Variants in C3orf70 observed in about 807,000 individuals in gnomAD.
C3orf70 encodes UPF0524 protein C3orf70.
A neutral mutation model predicts 20.7 loss-of-function variants in C3orf70; 15 were observed. The observed-to-expected ratio is 0.72, with a 90% confidence interval of 0.48 to 1.11. The LOEUF (loss-of-function observed/expected upper bound fraction) is 1.11, where lower values mean the gene tolerates loss of function less well. Ranked by LOEUF, C3orf70 falls within the 50% of genes most tolerant of loss-of-function variation. The probability of loss-of-function intolerance (pLI) is 0.00; values close to 1 mark genes in which losing one functional copy is unlikely to be tolerated. For synonymous variants in C3orf70, 161 were observed against 125.7 expected (o/e 1.28, Z -1.88); for missense variants, 332 against 317.6 (o/e 1.05, Z -0.34).
At position 185,119,458 on chromosome 3, in the gene C3orf70, C is replaced by T. The variant is rs149748954; in HGVS notation, c.196+33170G>A. Among the ~76,000 whole-genome samples, 1,443 of 152,024 alleles carry T rather than the reference C, an allele frequency of 9.5e-3. 24 individuals are homozygous for T. Among genetic ancestry groups the T allele is most frequent in the African/African-American group, 0.033 (1,348 of 41,456 alleles). ...ACGAAGTCAGGAGATCAAGACCATCCTGGCCAACATGGTGAAACCCCGTCT... is the reference window on the plus strand; with the variant it reads ...ACGAAGTCAGGAGATCAAGACCATCTTGGCCAACATGGTGAAACCCCGTCT... On this transcript the variant is annotated intron_variant, in intron 1 of 1. Coordinates refer to ENST00000335012, the MANE Select transcript of C3orf70 (RefSeq NM_001025266.3).
intron 1 of C3orf70, among the ~76,000 whole-genome samples, chr3:185,135,105 A>T (rs1716596034): frequency 6.6e-6 from 1 of 152,256 alleles, no homozygotes; most frequent in African/African-American, 2.4e-5. Context: ...TTTAATTGAA[A>T]ATCATTTGTC....
chr3:185,128,822 T>C (rs1185356245), intron 1 of C3orf70, among the ~76,000 whole-genome samples: 3 of 152,166 alleles, frequency 2.0e-5, no homozygotes, highest in Non-Finnish European at 4.4e-5. Context: ...TTCGCATAAT[T>C]TGAAAAACTA....
At chr3:185,134,116 C>CTCATATATATATATATATATATATATAT (rs71298571) in intron 1 of C3orf70, among the ~76,000 whole-genome samples, 13 of 134,762 alleles carry the variant, frequency 9.6e-5, no homozygotes, top group East Asian at 2.0e-4. Flanking sequence ...AAAAATACAT[C>CTCATATATATATATATATATATATATAT]ATATATATAT....
chr3:185,142,899 CCAAA>C (rs770368406), intron 1 of C3orf70, among the ~76,000 whole-genome samples: 7 of 151,952 alleles, frequency 4.6e-5, no homozygotes, highest in Non-Finnish European at 1.0e-4. Flanking sequence ...AGGACATTCT[CCAAA>C]CAGTTAACTT....
chr3:185,118,335 C>T (rs1413156978), intron 1 of C3orf70, among the ~76,000 whole-genome samples: 1 of 152,188 alleles, frequency 6.6e-6, no homozygotes, highest in Non-Finnish European at 1.5e-5. Context: ...CTTAGATACT[C>T]TGCTTCTGTG....
At chr3:185,117,233 G>GT (rs1167053235) in intron 1 of C3orf70, among the ~76,000 whole-genome samples, 3 of 151,762 alleles carry the variant, frequency 2.0e-5, no homozygotes, top group Non-Finnish European at 4.4e-5. Context: ...TTTCCCAATT[G>GT]TTTTTTTTCT....
At chr3:185,123,740 ATAT>A (rs1459344845) in intron 1 of C3orf70, among the ~76,000 whole-genome samples, 1 of 152,178 alleles carries the variant, frequency 6.6e-6, no homozygotes, top group Non-Finnish European at 1.5e-5. Context: ...ACAAAAATAT[ATAT>A]TATTGCCTAT....
chr3:185,120,854 A>G (rs1716283186), intron 1 of C3orf70, among the ~76,000 whole-genome samples: 1 of 152,182 alleles, frequency 6.6e-6, no homozygotes, highest in Admixed American at 6.5e-5. Context: ...TAGAACTATC[A>G]TTTGATCCAG....
intron 1 of C3orf70, among the ~76,000 whole-genome samples, chr3:185,134,125 A>ATATATATATATATATATT (rs71298570): frequency 4.9e-4 from 71 of 145,920 alleles, no homozygotes; most frequent in African/African-American, 1.7e-3. Flanking sequence ...TCATATATAT[A>ATATATATATATATATATT]TAGAGGAGAT....
At chr3:185,141,728 T>G (rs902257081) in intron 1 of C3orf70, among the ~76,000 whole-genome samples, 1 of 152,010 alleles carries the variant, frequency 6.6e-6, no homozygotes, top group Admixed American at 6.6e-5. Context: ...GGTTAGTGAG[T>G]ATTATGATAT....
rs147285857 is a variant in C3orf70 at position 185,087,994 on chromosome 3, C to T, written c.197-4431G>A. ...TAGCACGATCTTGGCTCGCCGCAAC[C>T]TCCGCCTCCTGGGTTCATGCGATTC... On this transcript the variant is annotated intron_variant, in intron 1 of 1. Coordinates refer to ENST00000335012, the MANE Select transcript of C3orf70 (RefSeq NM_001025266.3). Among the ~76,000 whole-genome samples the T allele has an allele frequency of 5.9e-3, 892 of 151,576 alleles. 11 individuals carry two copies. The highest frequency in any genetic ancestry group is 0.02 in the African/African-American group (827 of 41,312).
rs1221214955 is a variant in C3orf70 at position 185,078,178 on chromosome 3, T to A, written c.*4829A>T. The A allele has an allele frequency of 6.6e-6, 1 of 152,416 alleles. No individual in the cohort carries two copies. Among genetic ancestry groups the A allele is most frequent in the African/African-American group, 2.4e-5 (1 of 41,352 alleles). 9.4% of individuals were successfully genotyped at this position (152,416 alleles called of 1,614,324 possible). ...ATAATTTTAGGAAATTACAGAAGAGTCAACATTGTGCTTAAAACTTTAAAA... is the reference window on the plus strand; with the variant it reads ...ATAATTTTAGGAAATTACAGAAGAGACAACATTGTGCTTAAAACTTTAAAA... On this transcript the variant is annotated 3_prime_UTR_variant, in exon 2 of 2. Transcript: ENST00000335012.
chr3:185,118,946 C>T (rs1449649699), intron 1 of C3orf70, among the ~76,000 whole-genome samples: 1 of 152,272 alleles, frequency 6.6e-6, no homozygotes, highest in African/African-American at 2.4e-5. Context: ...CCTTTACAGA[C>T]GATGGTAATG....
chr3:185,138,375 A>G (rs547156388), intron 1 of C3orf70, among the ~76,000 whole-genome samples: 1 of 152,192 alleles, frequency 6.6e-6, no homozygotes, highest in East Asian at 1.9e-4. Context: ...GAGAAAATAG[A>G]AGGGGAAAAA....
intron 1 of C3orf70, among the ~76,000 whole-genome samples, chr3:185,147,548 G>C (rs979427799): frequency 6.6e-6 from 1 of 152,166 alleles, no homozygotes; most frequent in African/African-American, 2.4e-5. Context: ...TAAGAGTCCG[G>C]GTGTAGAATC....
Position 185,077,141 on chromosome 3 carries a change from G to C in C3orf70, c.*5866C>G, listed in dbSNP as rs1412706136. Among the ~76,000 whole-genome samples, 1 of 152,088 alleles carries C rather than the reference G, an allele frequency of 6.6e-6. No individual in the cohort carries two copies. The highest frequency in any genetic ancestry group is 1.5e-5 in the Non-Finnish European group (1 of 68,016). On this transcript the variant is annotated 3_prime_UTR_variant, in exon 2 of 2. Coordinates refer to ENST00000335012, the MANE Select transcript of C3orf70 (RefSeq NM_001025266.3). ...ATGGTATAGGGTGCGGGGTGGGGGG[G>C]CACTGTATGGAGGACAGAGAAGGGG...
In C3orf70 at chr3:185,081,924, A is replaced by C. The variant is rs1577315203; in HGVS notation, c.*1083T>G. 2 of 152,656 alleles carry C rather than the reference A, an allele frequency of 1.3e-5. No individual in the cohort carries two copies. The highest frequency in any genetic ancestry group is 3.8e-4 in the East Asian group (2 of 5,204). 9.5% of individuals were successfully genotyped at this position (152,656 alleles called of 1,614,324 possible). On this transcript the variant is annotated 3_prime_UTR_variant, in exon 2 of 2. Transcript: ENST00000335012. ...TCATACAACCAAATGAAGCAGAATT[A>C]ATCAAACCTATTAGATTCAGTCCTA...
chr3:185,138,420 G>A (rs1233608190), intron 1 of C3orf70, among the ~76,000 whole-genome samples: 15 of 148,584 alleles, frequency 1.0e-4, no homozygotes, highest in African/African-American at 3.7e-4. Flanking sequence ...ACAATTACCA[G>A]ACACCAAAAC....
intron 1 of C3orf70, among the ~76,000 whole-genome samples, chr3:185,144,850 T>C (rs1430793457): frequency 6.6e-6 from 1 of 152,250 alleles, no homozygotes; most frequent in Non-Finnish European, 1.5e-5. Flanking sequence ...ATGTTGCTCC[T>C]GGGCCAAAGT....
Sources: gnomAD v4.1 joint callset for allele counts (sites outside exome capture counted in the v4.1 genomes callset) on GRCh38, gnomAD v4.1.1 for gene constraint, MANE v1.5 for transcripts, NCBI Gene and HGNC (gene_info 2026-07-23, HGNC 2026-07-21) for gene names.